ZNF584: variants seen among roughly 807,000 people sequenced by gnomAD.
The protein encoded by ZNF584 is zinc finger protein 584.
Under a neutral mutation model 14.7 loss-of-function variants are expected in ZNF584, and 12 were observed. The observed-to-expected ratio is 0.82, with a 90% CI of 0.52 to 1.32. The LOEUF (loss-of-function observed/expected upper bound fraction) is 1.32. Among genes scored for constraint, ZNF584 ranks in the 40% most tolerant of loss-of-function variants. ZNF584 has a pLI of 0.00. For synonymous variants in ZNF584, 204 were observed against 190.9 expected (o/e 1.07, Z -0.57); for missense variants, 478 against 518.8 (o/e 0.92, Z 0.76).
rs79136063 is a variant in ZNF584, at chr19:58,417,936, G to A, written c.*152G>A. ...TGCCTGGTGTGTGGGACGCTTTCGG[G>A]AGCCACATTGCACTCTGACTTGCCT... On this transcript the variant is annotated 3_prime_UTR_variant, in exon 4 of 4. Transcript: ENST00000306910. 7.2e-3 allele frequency: 7,004 copies of A among 966,376 alleles called. 269 individuals carry two copies. In the African/African-American group the frequency reaches 0.086, roughly 12 times the overall value. The allele number at this position is 966,376 out of a possible 1,614,324, so 59.9% of individuals were successfully genotyped here. A position where few individuals can be genotyped will look rare whatever the true frequency, so the allele number is the denominator to read the frequency against.
rs74787709 is a variant in ZNF584, at chr19:58,417,852, T to A, written c.*68T>A. ...AAGGAGAGTGGCCGTGAGAGTGCCA[T>A]CCGAAAGAAGCTAAACCTTGCACAT... On this transcript the variant is annotated 3_prime_UTR_variant, in exon 4 of 4. Transcript: ENST00000306910. 1,657 of 1,527,210 alleles carry A rather than the reference T, an allele frequency of 1.1e-3. 13 individuals carry two copies. In the African/African-American group the frequency reaches 0.021, roughly 19 times the overall value. 94.6% of individuals were successfully genotyped at this position (1,527,210 alleles called of 1,614,324 possible).
At chr19:58,403,853 C>T (rs948432671), upstream of ZNF584, among the ~76,000 whole-genome samples, 10 of 150,638 alleles carry the variant, frequency 6.6e-5, no homozygotes, top group African/African-American at 2.5e-4. Flanking sequence ...CTTGTCGTCC[C>T]AGCTATTCGT....
At chr19:58,409,422 G>T (rs6510147) in intron 1 of ZNF584, among the ~76,000 whole-genome samples, 14,334 of 152,244 alleles carry the variant, frequency 0.094, 2,101 homozygotes, top group African/African-American at 0.32. Flanking sequence ...CCAGGCAATT[G>T]CCTATAGGGT....
rs1229970357 is a variant in ZNF584 at position 58,414,101 on chromosome 19, G to T, written c.170-1423G>T. Among the ~76,000 whole-genome samples, 11 of 151,776 alleles carry T rather than the reference G, an allele frequency of 7.2e-5. No homozygotes were observed. The East Asian group carries it at 2.2e-3, about 30-fold the overall frequency. On this transcript the variant is annotated intron_variant, in intron 2 of 3. Coordinates refer to ENST00000306910, the MANE Select transcript of ZNF584 (RefSeq NM_173548.3). ...CTCCCAAAGTGCTGGGATTACACTT[G>T]AGCCACCACACCCAGCCCTGTGTTT...
At chr19:58,414,952 G>A (rs1362454455) in intron 2 of ZNF584, among the ~76,000 whole-genome samples, 1 of 151,912 alleles carries the variant, frequency 6.6e-6, no homozygotes, top group African/African-American at 2.4e-5. Flanking sequence ...GAGTGCAGTG[G>A]TGTGATCTCA....
In ZNF584 at chr19:58,415,554, C is replaced by T. The variant is rs150004526; in HGVS notation, c.200C>T (p.Thr67Ile). The stretch of plus-strand genomic sequence containing the variant: ...GCACCTTCGAGATCCCCTGTGTTTA[C>T]CCAGCTGGAGGATGATGAACAGTCG... The part of the protein sequence containing the change: ...GLAPSRSPVF[T>I]QLEDDEQSWV... The change falls in exon 3 of 4, where the codon ACC becomes ATC. Residue 67 changes from threonine (T) to isoleucine (I), a missense_variant. This residue lies in a region of ZNF584 where 189 missense variants were observed against 177.9 expected (regional missense o/e 1.06). Coordinates refer to ENST00000306910, the MANE Select transcript of ZNF584 (RefSeq NM_173548.3). 426 of 1,613,784 alleles carry T rather than the reference C, an allele frequency of 2.6e-4. 1 individual carries two copies. The highest frequency in any genetic ancestry group is 2.2e-3 in the South Asian group (202 of 91,046).
At chr19:58,412,738 C>T (rs1009730289) in intron 2 of ZNF584, among the ~76,000 whole-genome samples, 14 of 152,262 alleles carry the variant, frequency 9.2e-5, no homozygotes, top group African/African-American at 3.1e-4. Context: ...ATTCTTATTT[C>T]AGTATTGTTA....
rs1185053389 is a variant in ZNF584 at position 58,410,557 on chromosome 19, A to ATGTGTG, written c.169+471_169+472insGTGTGT. 1.2e-4 allele frequency among the ~76,000 whole-genome samples: 3 copies of ATGTGTG among 26,016 alleles called. 1 individual carries two copies. Among genetic ancestry groups the ATGTGTG allele is most frequent in the Admixed American group, 1.1e-3 (3 of 2,656 alleles). The allele number at this position is 26,016 out of a possible 152,430, so 17.1% of individuals were successfully genotyped here. A position where few individuals can be genotyped will look rare whatever the true frequency, so the allele number is the denominator to read the frequency against. On this transcript the variant is annotated intron_variant, in intron 2 of 3. Transcript: ENST00000306910. Reference sequence around the variant, plus strand: ...TATATATATATATATATATATATATATGTGTATATATATATGTATATATAT... The same window carrying ATGTGTG: ...TATATATATATATATATATATATATATGTGTGTGTGTATATATATATGTATATATAT...
At chr19:58,411,293 G>A (rs2052568858) in intron 2 of ZNF584, among the ~76,000 whole-genome samples, 1 of 151,748 alleles carries the variant, frequency 6.6e-6, no homozygotes, top group Admixed American at 6.6e-5. Flanking sequence ...TTGGGAGGGC[G>A]AGGCAGGTGG....
chr19:58,411,753 C>G (rs2052575123), intron 2 of ZNF584, among the ~76,000 whole-genome samples: 2 of 150,448 alleles, frequency 1.3e-5, no homozygotes, highest in South Asian at 2.1e-4. Context: ...AAGTGATTTT[C>G]CTGCCTCAGC....
chr19:58,417,598 G>A lies in ZNF584; in HGVS notation c.1080G>A (p.Gly360=), dbSNP rs1220101230. The A allele has an allele frequency of 1.9e-6, 3 of 1,614,124 alleles. No homozygotes were observed. Among genetic ancestry groups the A allele is most frequent in the East Asian group, 2.2e-5 (1 of 44,868 alleles). ...GGCCCTATGAATGTAGCCTGTGTGGGAAAACCTTCACTACCAGATCCTACC... is the reference window on the plus strand; with the variant it reads ...GGCCCTATGAATGTAGCCTGTGTGGAAAAACCTTCACTACCAGATCCTACC... ...GERPYECSLC[G]KTFTTRSYRN... Residue 360 remains glycine (G), a synonymous_variant, in exon 4 of 4, where the codon GGG becomes GGA. Coordinates refer to ENST00000306910, the MANE Select transcript of ZNF584 (RefSeq NM_173548.3).
chr19:58,408,287 T>C (rs1199558701), upstream of ZNF584: 1 of 152,232 alleles, frequency 6.6e-6, no homozygotes, highest in East Asian at 1.9e-4. Context: ...CGCGGCGCGG[T>C]CCGATGGCCC....
At position 58,417,634 on chromosome 19, in the gene ZNF584, CCAG is replaced by C; in HGVS notation, c.1120_1122del (p.Gln374del). On this transcript the variant is annotated inframe_deletion, in exon 4 of 4. Transcript: ENST00000306910. ...CTACCAGATCCTACCGCAATCGGCACCAGCAGTTCCACACTGAAGAGAGGTCTT... is the reference window on the plus strand; with the variant it reads ...CTACCAGATCCTACCGCAATCGGCACCAGTTCCACACTGAAGAGAGGTCTT... 1 of 1,614,162 alleles carries C rather than the reference CCAG, an allele frequency of 6.2e-7. No individual in the cohort carries two copies. The highest frequency in any genetic ancestry group is 8.5e-7 in the Non-Finnish European group (1 of 1,180,034).
At chr19:58,403,384 A>C (rs2052443546) in intron 1 of ZNF584, among the ~76,000 whole-genome samples, 1 of 152,210 alleles carries the variant, frequency 6.6e-6, no homozygotes, top group Non-Finnish European at 1.5e-5. Flanking sequence ...GAGGAGTCTG[A>C]AATGCACATT....
intron 2 of ZNF584, among the ~76,000 whole-genome samples, chr19:58,410,522 T>C (rs1442026638): frequency 2.3e-4 from 2 of 8,676 alleles, no homozygotes; most frequent in African/African-American, 4.8e-4. Context: ...TTGGGAAATA[T>C]ATATATATAT....
upstream of ZNF584, chr19:58,406,961 A>G (rs544223312): frequency 1.2e-3 from 176 of 152,638 alleles, no homozygotes; most frequent in Non-Finnish European, 1.9e-3. Flanking sequence ...TCAGCTGAGG[A>G]CATGTTAAGG....
intron 2 of ZNF584, among the ~76,000 whole-genome samples, chr19:58,412,227 G>A (rs1438464388): frequency 9.3e-6 from 1 of 107,252 alleles, no homozygotes; most frequent in Non-Finnish European, 1.6e-5. Flanking sequence ...TTTTGAGACG[G>A]AGTCTCGCTC....
chr19:58,415,114 T>C lies in ZNF584; in HGVS notation c.170-410T>C, dbSNP rs568288534. Among the ~76,000 whole-genome samples the C allele has an allele frequency of 9.2e-5, 14 of 152,118 alleles. No individual in the cohort carries two copies. In the South Asian group the frequency reaches 2.7e-3, roughly 29 times the overall value. On this transcript the variant is annotated intron_variant, in intron 2 of 3. Coordinates refer to ENST00000306910, the MANE Select transcript of ZNF584 (RefSeq NM_173548.3). The stretch of plus-strand genomic sequence containing the variant: ...TTCACCGTGTTAGCCAGGATAGTCT[T>C]GATCTCCTGACCTCGTGATCCGCCC...
chr19:58,407,492 T>C (rs1312876802), upstream of ZNF584, among the ~76,000 whole-genome samples: 1 of 152,152 alleles, frequency 6.6e-6, no homozygotes, highest in Non-Finnish European at 1.5e-5. Flanking sequence ...CTCACGGCCC[T>C]TGGGTAGAAT....
Sources: gnomAD v4.1 joint callset for allele counts (sites outside exome capture counted in the v4.1 genomes callset) on GRCh38, gnomAD v4.1.1 for gene constraint, gnomAD v4.1.1 regional missense constraint, MANE v1.5 for transcripts, NCBI Gene and HGNC (gene_info 2026-07-23, HGNC 2026-07-21) for gene names.